SLAIN1: variants seen among roughly 807,000 people sequenced by gnomAD.
The protein encoded by SLAIN1 is SLAIN motif-containing protein 1.
A neutral mutation model predicts 55.4 loss-of-function variants in SLAIN1; 17 were observed. That is an observed-to-expected ratio of 0.31 (90% CI 0.21 to 0.46). The LOEUF (loss-of-function observed/expected upper bound fraction) is 0.46, where lower values mean the gene tolerates loss of function less well. SLAIN1 is among the 20% of genes least tolerant of loss of function. The pLI is 1.00. For synonymous variants in SLAIN1, 348 were observed against 337.4 expected, an observed-to-expected ratio of 1.03 and a Z score of -0.35; for missense variants, 682 against 785.1, an observed-to-expected ratio of 0.87 and a Z score of 1.57.
chr13:77,724,625 T>G (rs2091291280), intron 2 of SLAIN1, among the ~76,000 whole-genome samples: 1 of 152,206 alleles, frequency 6.6e-6, no homozygotes, highest in Non-Finnish European at 1.5e-5. Context: ...GATGGTTAAT[T>G]GACAGATATC....
chr13:77,758,995 A>AT (rs1385827507), intron 5 of SLAIN1, among the ~76,000 whole-genome samples: 1 of 152,044 alleles, frequency 6.6e-6, no homozygotes, highest in Non-Finnish European at 1.5e-5. Context: ...TTTTGATAGA[A>AT]TTGCATTGAA....
intron 2 of SLAIN1, among the ~76,000 whole-genome samples, chr13:77,743,862 A>G (rs139306988): frequency 1.4e-4 from 21 of 152,182 alleles, no homozygotes; most frequent in African/African-American, 5.1e-4. Flanking sequence ...ATTTAAAAAT[A>G]TATTATCAGT....
chr13:77,706,076 T>C (rs1237409194), intron 1 of SLAIN1, among the ~76,000 whole-genome samples: 7 of 152,090 alleles, frequency 4.6e-5, no homozygotes, highest in African/African-American at 1.7e-4. Flanking sequence ...CTCTACTCCC[T>C]CCTCCTGCTG....
chr13:77,736,138 A>G (rs1873104976), intron 2 of SLAIN1, among the ~76,000 whole-genome samples: 1 of 152,092 alleles, frequency 6.6e-6, no homozygotes, highest in Non-Finnish European at 1.5e-5. Context: ...CCAGGCAGTC[A>G]CTTTCATGGT....
chr13:77,746,834 C>A lies in SLAIN1; in HGVS notation c.1237C>A (p.Gln413Lys), dbSNP rs1274201758. 6.2e-7 allele frequency: 1 copy of A among 1,613,050 alleles called. No homozygotes were observed. Among genetic ancestry groups the A allele is most frequent in the South Asian group, 1.1e-5 (1 of 91,018 alleles). ...ACCTCAAGCCCAAACTCCAGATCAGCAACCAAATAGGACCAATGGAGGTAG... is the reference window on the plus strand; with the variant it reads ...ACCTCAAGCCCAAACTCCAGATCAGAAACCAAATAGGACCAATGGAGGTAG... Reference protein sequence around the residue: ...YSPQAQTPDQQPNRTNGDKLR... With the variant: ...YSPQAQTPDQKPNRTNGDKLR... Residue 413 changes from glutamine to lysine, a missense_variant, in exon 4 of 7, where the codon CAA (glutamine) becomes AAA (lysine). Gln to Lys is a moderately conservative substitution (Grantham distance 53). Transcript: ENST00000418532.
chr13:77,726,124 T>A (rs2091305320), intron 2 of SLAIN1, among the ~76,000 whole-genome samples: 1 of 152,170 alleles, frequency 6.6e-6, no homozygotes, highest in Non-Finnish European at 1.5e-5. Flanking sequence ...GTCTTGAGAT[T>A]GTGAGAACAA....
chr13:77,719,660 G>C lies in SLAIN1; in HGVS notation c.755G>C (p.Arg252Thr). 6.2e-7 allele frequency: 1 copy of C among 1,613,226 alleles called. No homozygotes were observed. The highest frequency in any genetic ancestry group is 8.5e-7 in the Non-Finnish European group (1 of 1,179,440). The part of the protein sequence containing the change: ...MEAARRSLCF[R>T]LEQGYTSRGS... ...GCAGCGAGACGTTCCCTGTGCTTTA[G>C]ACTGGAGCAAGGTAATTGTGAGTGT... The change falls in exon 2 of 7, where the codon AGA becomes ACA. Residue 252 changes from arginine (R) to threonine (T), a missense_variant. Arg to Thr is a moderately conservative substitution (Grantham distance 71). Coordinates refer to ENST00000418532, the MANE Select transcript of SLAIN1 (RefSeq NM_001242868.2).
At chr13:77,702,292 A>T (rs898341637) in intron 1 of SLAIN1, among the ~76,000 whole-genome samples, 1 of 152,012 alleles carries the variant, frequency 6.6e-6, no homozygotes, top group Admixed American at 6.6e-5. Flanking sequence ...TACTAATTTG[A>T]TAGGCTTAGC....
At chr13:77,762,662 A>T (rs1333481520) in intron 6 of SLAIN1, among the ~76,000 whole-genome samples, 1 of 152,116 alleles carries the variant, frequency 6.6e-6, no homozygotes, top group Non-Finnish European at 1.5e-5. Context: ...GGCCTCCCAA[A>T]GTGTTGGGAT....
At chr13:77,720,885 G>A (rs1183612729) in intron 2 of SLAIN1, among the ~76,000 whole-genome samples, 1 of 152,176 alleles carries the variant, frequency 6.6e-6, no homozygotes, top group Non-Finnish European at 1.5e-5. Flanking sequence ...AATGAAACAG[G>A]TGACTTAATA....
intron 1 of SLAIN1, among the ~76,000 whole-genome samples, chr13:77,716,119 T>C (rs1310422256): frequency 6.6e-6 from 1 of 151,574 alleles, no homozygotes; most frequent in African/African-American, 2.4e-5. Context: ...TGGATCAAAG[T>C]TTTGTTTTTT....
At chr13:77,711,713 T>G (rs1566222046) in intron 1 of SLAIN1, among the ~76,000 whole-genome samples, 1 of 152,174 alleles carries the variant, frequency 6.6e-6, no homozygotes, top group Non-Finnish European at 1.5e-5. Flanking sequence ...GGCTCCTCCC[T>G]AACTCATTTT....
At chr13:77,713,699 C>A (rs867617779) in intron 1 of SLAIN1, among the ~76,000 whole-genome samples, 5 of 152,154 alleles carry the variant, frequency 3.3e-5, no homozygotes, top group South Asian at 2.1e-4. Context: ...ATAAATCATT[C>A]TACTATAAAG....
Position 77,697,954 on chromosome 13 carries a change from G to C in SLAIN1, c.41G>C (p.Ser14Thr), listed in dbSNP as rs1594242350. Reference protein sequence around the residue: ...EQVKCASAGVSSGAGSGPVVN... With the variant: ...EQVKCASAGVTSGAGSGPVVN... Reference sequence around the variant, plus strand: ...GTGAAATGCGCCTCGGCAGGGGTCAGCTCTGGAGCGGGCTCCGGGCCGGTG... The same window carrying C: ...GTGAAATGCGCCTCGGCAGGGGTCACCTCTGGAGCGGGCTCCGGGCCGGTG... Residue 14 changes from serine (S) to threonine (T), a missense_variant, in exon 1 of 7, where the codon AGC becomes ACC. Transcript: ENST00000418532. The C allele has an allele frequency of 3.5e-6, 5 of 1,446,618 alleles. No homozygotes were observed. The highest frequency in any genetic ancestry group is 4.6e-6 in the Non-Finnish European group (5 of 1,091,522). 89.6% of individuals were successfully genotyped at this position (1,446,618 alleles called of 1,614,324 possible).
chr13:77,761,847 A>G (rs1187831618), intron 6 of SLAIN1, among the ~76,000 whole-genome samples: 1 of 152,118 alleles, frequency 6.6e-6, no homozygotes, highest in East Asian at 1.9e-4. Context: ...TTAAAAATCC[A>G]TAAAAGTGGT....
chr13:77,729,126 A>G (rs1385863113), intron 2 of SLAIN1, among the ~76,000 whole-genome samples: 2 of 151,292 alleles, frequency 1.3e-5, no homozygotes, highest in South Asian at 2.1e-4. Context: ...CAGTATTGGC[A>G]ATGATTTAGT....
Position 77,697,800 on chromosome 13 carries a change from T to A in SLAIN1, c.-114T>A, listed in dbSNP as rs2090988373. 8.2e-6 allele frequency: 9 copies of A among 1,095,308 alleles called. No homozygotes were observed. The highest frequency in any genetic ancestry group is 1.0e-5 in the Non-Finnish European group (9 of 884,130). The allele number at this position is 1,095,308 out of a possible 1,614,324, so 67.8% of individuals were successfully genotyped here. A position where few individuals can be genotyped will look rare whatever the true frequency, so the allele number is the denominator to read the frequency against. On this transcript the variant is annotated 5_prime_UTR_variant, in exon 1 of 7. Coordinates refer to ENST00000418532, the MANE Select transcript of SLAIN1 (RefSeq NM_001242868.2). ...CGCCGGCTCGGCCTCAGCCCGCGCG[T>A]GGTCGGCCCCCCAGGCCGGGGCGAC...
chr13:77,753,647 T>G (rs1322661951), intron 5 of SLAIN1, among the ~76,000 whole-genome samples: 1 of 152,176 alleles, frequency 6.6e-6, no homozygotes, highest in East Asian at 1.9e-4. Flanking sequence ...TGTATAATAA[T>G]AGTAAATTAT....
At chr13:77,755,394 T>C (rs1045024471) in intron 5 of SLAIN1, among the ~76,000 whole-genome samples, 1 of 152,020 alleles carries the variant, frequency 6.6e-6, no homozygotes, top group Non-Finnish European at 1.5e-5. Context: ...ATAGCAAATA[T>C]AGTAACAATT....
Sources: allele counts gnomAD v4.1 joint callset (sites outside exome capture counted in the v4.1 genomes callset), GRCh38; gene constraint gnomAD v4.1.1; transcripts MANE v1.5; gene names NCBI Gene and HGNC (gene_info 2026-07-23, HGNC 2026-07-21).